The following LYN variants were observed in gnomAD, a reference collection of about 807,000 sequenced individuals.
The protein encoded by LYN is tyrosine-protein kinase Lyn.
LYN carries 12 observed loss-of-function variants against 65.0 expected under a neutral mutation model. The observed-to-expected ratio is 0.18, with a 90% confidence interval of 0.12 to 0.30. The LOEUF is 0.30. LYN is among the 10% of genes least tolerant of loss of function. The pLI is 1.00. For synonymous variants in LYN, 222 were observed against 221.2 expected (o/e 1.00, Z -0.03); for missense variants, 380 against 623.2 (o/e 0.61, Z 4.16).
intron 1 of LYN, among the ~76,000 whole-genome samples, chr8:55,925,007 A>G (rs1046715974): frequency 5.3e-5 from 8 of 151,880 alleles, no homozygotes; most frequent in African/African-American, 1.9e-4. Context: ...ACACCTGGCT[A>G]ATTTTTATAT....
chr8:55,897,268 T>C (rs181942539), intron 1 of LYN, among the ~76,000 whole-genome samples: 3 of 152,214 alleles, frequency 2.0e-5, no homozygotes, highest in East Asian at 3.9e-4. Flanking sequence ...TAAATGAAAA[T>C]TCAGAGTTTA....
chr8:55,946,866 CACTT>C (rs1308635604), intron 3 of LYN, among the ~76,000 whole-genome samples: 1 of 152,216 alleles, frequency 6.6e-6, no homozygotes, highest in Non-Finnish European at 1.5e-5. Flanking sequence ...TGGATTATTT[CACTT>C]AGCCTGATGT....
chr8:55,941,806 A>G, intron 1 of LYN, 49 bp from the exon 2 acceptor site: 1 of 1,462,588 alleles, frequency 6.8e-7, no homozygotes, highest in Non-Finnish European at 9.5e-7. Context: ...GATGGCTTGA[A>G]GCAGTTCTGG....
intron 10 of LYN, among the ~76,000 whole-genome samples, chr8:55,979,302 A>C (rs994559257): frequency 1.3e-5 from 2 of 152,132 alleles, no homozygotes; most frequent in African/African-American, 4.8e-5. Context: ...TCGGCCTCCC[A>C]AAGTGCAGGG....
chr8:55,987,937 G>A (rs1808128479), intron 10 of LYN, among the ~76,000 whole-genome samples: 1 of 152,200 alleles, frequency 6.6e-6, no homozygotes, highest in Non-Finnish European at 1.5e-5. Flanking sequence ...GCAAGTAGTA[G>A]CTAATACATG....
At chr8:55,988,291 G>GGTGTGTGTGTGTGTGTGTGT (rs57413136) in intron 10 of LYN, among the ~76,000 whole-genome samples, 1 of 142,100 alleles carries the variant, frequency 7.0e-6, no homozygotes, top group African/African-American at 2.6e-5. Flanking sequence ...CAAACTCCCT[G>GGTGTGTGTGTGTGTGTGTGT]GTGTGTGTGT....
intron 1 of LYN, among the ~76,000 whole-genome samples, chr8:55,890,117 CAAAAAAAAAAA>C: frequency 1.3e-5 from 1 of 79,092 alleles, no homozygotes; most frequent in South Asian, 5.3e-4. Context: ...CCTCTATAGA[CAAAAAAAAAAA>C]AAAAAAAAAA....
chr8:55,965,513 A>G (rs1807426406), intron 8 of LYN, among the ~76,000 whole-genome samples: 1 of 152,218 alleles, frequency 6.6e-6, no homozygotes, highest in Non-Finnish European at 1.5e-5. Context: ...ATATATAAGT[A>G]ATTTTTATAA....
At chr8:55,977,145 A>G (rs1447252406) in intron 10 of LYN, among the ~76,000 whole-genome samples, 1 of 152,172 alleles carries the variant, frequency 6.6e-6, no homozygotes, top group Non-Finnish European at 1.5e-5. Context: ...AGATCGTGCC[A>G]CTGCACTCCA....
intron 8 of LYN, among the ~76,000 whole-genome samples, chr8:55,958,509 T>C (rs1366858399): frequency 6.6e-6 from 1 of 152,242 alleles, no homozygotes; most frequent in East Asian, 1.9e-4. Flanking sequence ...TTTAGCGATG[T>C]TTAGGTGTAC....
In LYN at chr8:55,880,084, G is replaced by T; in HGVS notation, c.-25G>T. 3.2e-6 allele frequency: 1 copy of T among 310,022 alleles called. No individual in the cohort carries two copies. The allele number at this position is 310,022 out of a possible 1,614,324, so 19.2% of individuals were successfully genotyped here. A position where few individuals can be genotyped will look rare whatever the true frequency, so the allele number is the denominator to read the frequency against. On this transcript the variant is annotated 5_prime_UTR_variant, in exon 1 of 13. Transcript: ENST00000519728. ...AGTCACCGTGGAGCTCCGCCGCCCC[G>T]AAACTTTCACCGCGAGCGGGTGAGT...
At chr8:55,973,176 G>T (rs544834248) in intron 10 of LYN, among the ~76,000 whole-genome samples, 5 of 151,996 alleles carry the variant, frequency 3.3e-5, no homozygotes, top group African/African-American at 7.3e-5. Context: ...TCTCCCCTCC[G>T]CATTCCCCTG....
chr8:56,003,033 G>A (rs1808561373), intron 12 of LYN, among the ~76,000 whole-genome samples: 1 of 150,580 alleles, frequency 6.6e-6, no homozygotes, highest in Non-Finnish European at 1.5e-5. Context: ...TCTTTACGCA[G>A]TAAACTGCTG....
chr8:55,882,412 C>T (rs75404716), intron 1 of LYN, among the ~76,000 whole-genome samples: 3,814 of 152,296 alleles, frequency 0.025, 163 homozygotes, highest in South Asian at 0.14. Context: ...CCAGTTGGTT[C>T]ACATGACTAT....
chr8:55,987,620 T>G (rs1808116359), intron 10 of LYN, among the ~76,000 whole-genome samples: 1 of 152,062 alleles, frequency 6.6e-6, no homozygotes, highest in Admixed American at 6.6e-5. Flanking sequence ...TTCACCACAT[T>G]GGGCAGGCTG....
intron 8 of LYN, among the ~76,000 whole-genome samples, chr8:55,966,003 T>C (rs1412631113): frequency 6.6e-6 from 1 of 151,920 alleles, no homozygotes; most frequent in Non-Finnish European, 1.5e-5. Flanking sequence ...TGGGCACCTG[T>C]AAACCCAGCT....
At chr8:55,918,107 GCAGA>G (rs1805831485) in intron 1 of LYN, among the ~76,000 whole-genome samples, 7 of 152,188 alleles carry the variant, frequency 4.6e-5, no homozygotes, top group Admixed American at 3.3e-4. Context: ...GCAGCAGCTT[GCAGA>G]TCTCCCAGCG....
At chr8:55,968,480 C>G (rs911204887) in intron 9 of LYN, among the ~76,000 whole-genome samples, 2 of 152,186 alleles carry the variant, frequency 1.3e-5, no homozygotes, top group African/African-American at 4.8e-5. Flanking sequence ...TGGTCTTAAA[C>G]TCCCGACCTC....
chr8:55,910,262 G>C (rs1008494259), intron 1 of LYN, among the ~76,000 whole-genome samples: 1 of 152,064 alleles, frequency 6.6e-6, no homozygotes, highest in Non-Finnish European at 1.5e-5. Context: ...TTTTCTTCTA[G>C]TATTTTTATG....
Sources: allele counts gnomAD v4.1 joint callset (sites outside exome capture counted in the v4.1 genomes callset), GRCh38; gene constraint gnomAD v4.1.1; transcripts MANE v1.5; gene names NCBI Gene and HGNC (gene_info 2026-07-23, HGNC 2026-07-21).